ASAP2: variants seen among roughly 807,000 people sequenced by gnomAD.
ASAP2 encodes arf-GAP with SH3 domain, ANK repeat and PH domain-containing protein 2.
In ASAP2, 45 loss-of-function variants were observed where a neutral mutation model predicts 131.4. The ratio of observed to expected loss-of-function variants is 0.34; its 90% confidence interval spans 0.27 to 0.44. ASAP2 has a LOEUF of 0.44. ASAP2 is among the 20% of genes least tolerant of loss of function. ASAP2 has a pLI of 1.00. For missense variants in ASAP2, 1,011 were observed against 1,297.0 expected, an observed-to-expected ratio of 0.78 and a Z score of 3.39; for synonymous variants, 510 against 503.0, an observed-to-expected ratio of 1.01 and a Z score of -0.19.
chr2:9,331,652 C>T (rs994701262), intron 7 of ASAP2, among the ~76,000 whole-genome samples: 6 of 152,110 alleles, frequency 3.9e-5, no homozygotes, highest in South Asian at 2.1e-4. Context: ...CCTGTAGTCC[C>T]GGCTACTCGG....
chr2:9,237,790 A>G (rs184832883), intron 1 of ASAP2, among the ~76,000 whole-genome samples: 83 of 152,218 alleles, frequency 5.5e-4, no homozygotes, highest in African/African-American at 2.0e-3. Context: ...GGTGGAGTAC[A>G]TTGTATACAG....
rs774157999 is a variant in ASAP2, at chr2:9,393,480, A to G, written c.2519-2A>G. 1 of 1,604,322 alleles carries G rather than the reference A, an allele frequency of 6.2e-7. No homozygotes were observed. The highest frequency in any genetic ancestry group is 1.1e-5 in the South Asian group (1 of 89,266). ...CTGCACGTCTCTCCCTGTCCTCCGC[A>G]GATCCCCTGACCCCCACGCCGCCCC... is the stretch of plus-strand genomic sequence containing the variant. On this transcript the variant is annotated splice_acceptor_variant, in intron 23 of 27. Transcript: ENST00000281419. LOFTEE classifies it high-confidence loss of function.
At chr2:9,328,040 T>C in intron 7 of ASAP2, 129 bp downstream of exon 7, 1 of 605,902 alleles carries the variant, frequency 1.7e-6, no homozygotes, top group Non-Finnish European at 2.7e-6. Flanking sequence ...AGGTGCTGAC[T>C]CATGCGACAA....
intron 1 of ASAP2, among the ~76,000 whole-genome samples, chr2:9,227,595 G>A (rs933609514): frequency 6.6e-6 from 1 of 152,194 alleles, no homozygotes; most frequent in Non-Finnish European, 1.5e-5. Context: ...TAACGGCTCT[G>A]TAAAATAAGA....
At chr2:9,374,659 T>G in intron 16 of ASAP2, 96 bp from the exon 17 acceptor site, 1 of 1,213,096 alleles carries the variant, frequency 8.2e-7, no homozygotes, top group Non-Finnish European at 1.1e-6. Context: ...ACCAGGGACA[T>G]GGCGCAGGAA....
intron 6 of ASAP2, among the ~76,000 whole-genome samples, chr2:9,324,553 G>T (rs1670359495): frequency 6.6e-6 from 1 of 152,200 alleles, no homozygotes; most frequent in Admixed American, 6.5e-5. Flanking sequence ...ACATCACATG[G>T]TGGGGGCCTC....
chr2:9,361,398 G>A (rs907308820), intron 15 of ASAP2, among the ~76,000 whole-genome samples: 3 of 152,136 alleles, frequency 2.0e-5, no homozygotes, highest in African/African-American at 4.8e-5. Flanking sequence ...TGTATGCTAG[G>A]AGTGTGGTCA....
chr2:9,387,070 G>GTT (rs1675316496), intron 21 of ASAP2, among the ~76,000 whole-genome samples: 16 of 136,182 alleles, frequency 1.2e-4, no homozygotes, highest in Admixed American at 4.9e-4. Flanking sequence ...GCCGGGCTTG[G>GTT]TGGTGGGTGG....
chr2:9,335,275 C>T, intron 9 of ASAP2, 96 bp downstream of exon 9: 1 of 1,075,654 alleles, frequency 9.3e-7, no homozygotes, highest in South Asian at 1.3e-5. Flanking sequence ...TAGGAGCTCA[C>T]AGTTCACTCG....
intron 9 of ASAP2, among the ~76,000 whole-genome samples, chr2:9,339,054 G>A (rs540973408): frequency 5.5e-4 from 83 of 152,238 alleles, no homozygotes; most frequent in African/African-American, 1.9e-3. Flanking sequence ...TGACATGCAC[G>A]TGTAGTCCCA....
chr2:9,261,941 G>A (rs771050784), intron 1 of ASAP2, among the ~76,000 whole-genome samples: 18 of 152,314 alleles, frequency 1.2e-4, no homozygotes, highest in South Asian at 2.1e-4. Context: ...GGACCAGAGC[G>A]CCTCACCCCA....
At chr2:9,237,609 A>G (rs1663643082) in intron 1 of ASAP2, among the ~76,000 whole-genome samples, 1 of 151,768 alleles carries the variant, frequency 6.6e-6, no homozygotes, top group Admixed American at 6.6e-5. Context: ...TGTAGAGATG[A>G]GGGTCTCAGT....
At chr2:9,398,313 C>T (rs1360917458) in intron 24 of ASAP2, among the ~76,000 whole-genome samples, 1 of 150,870 alleles carries the variant, frequency 6.6e-6, no homozygotes, top group African/African-American at 2.4e-5. Context: ...AGTTCGAGAC[C>T]AGGCTGGAAA....
chr2:9,271,462 T>C, intron 1 of ASAP2: 1 of 1,401,428 alleles, frequency 7.1e-7, no homozygotes, highest in South Asian at 1.2e-5. Context: ...TGGTTTCTTT[T>C]TGGTGTAATC....
intron 16 of ASAP2, among the ~76,000 whole-genome samples, chr2:9,371,925 G>A (rs1674002572): frequency 6.6e-6 from 1 of 152,064 alleles, no homozygotes; most frequent in Admixed American, 6.6e-5. Flanking sequence ...GACCATCCTG[G>A]CTAACACGGT....
intron 1 of ASAP2, among the ~76,000 whole-genome samples, chr2:9,214,498 A>G (rs1325217567): frequency 3.3e-5 from 5 of 152,222 alleles, no homozygotes; most frequent in African/African-American, 7.2e-5. Flanking sequence ...CCTCGGCCTC[A>G]CAAAGTGCTG....
At chr2:9,280,395 C>T (rs1041399666) in intron 2 of ASAP2, among the ~76,000 whole-genome samples, 2 of 151,868 alleles carry the variant, frequency 1.3e-5, no homozygotes, top group Non-Finnish European at 2.9e-5. Context: ...GGCACAAGCT[C>T]CAGTTGCCGC....
intron 1 of ASAP2, among the ~76,000 whole-genome samples, chr2:9,267,173 G>A (rs1215469239): frequency 6.6e-6 from 1 of 151,848 alleles, no homozygotes; most frequent in Non-Finnish European, 1.5e-5. Flanking sequence ...TAGATCGGGG[G>A]GTACATGTGT....
chr2:9,377,285 CTG>C (rs1558383204), intron 18 of ASAP2, among the ~76,000 whole-genome samples: 1 of 152,202 alleles, frequency 6.6e-6, no homozygotes, highest in Non-Finnish European at 1.5e-5. Flanking sequence ...TGACCACCCT[CTG>C]TGCACAGGGG....
Sources: gnomAD v4.1 joint callset for allele counts (sites outside exome capture counted in the v4.1 genomes callset) on GRCh38, gnomAD v4.1.1 for gene constraint, MANE v1.5 for transcripts, NCBI Gene and HGNC (gene_info 2026-07-23, HGNC 2026-07-21) for gene names.